Variants in ATAD1 observed in about 807,000 individuals in gnomAD.
The protein encoded by ATAD1 is ATPase family AAA domain containing 1, also known as outer mitochondrial transmembrane helix translocase.
In ATAD1, 18 loss-of-function variants were observed where a neutral mutation model predicts 42.7. The ratio of observed to expected loss-of-function variants is 0.42; its 90% CI spans 0.29 to 0.63. The LOEUF is 0.63. Ranked by LOEUF, ATAD1 falls within the 20% of genes least tolerant of loss-of-function variation. The pLI is 0.19. For missense variants in ATAD1, 294 were observed against 440.4 expected, an observed-to-expected ratio of 0.67 and a Z score of 2.98; for synonymous variants, 132 against 143.1, an observed-to-expected ratio of 0.92 and a Z score of 0.55.
Position 87,784,200 on chromosome 10 carries a change from C to G in ATAD1, c.583+270G>C, listed in dbSNP as rs112922818. Among the ~76,000 whole-genome samples, 265 of 152,160 alleles carry G rather than the reference C, an allele frequency of 1.7e-3. 2 individuals are homozygous for G. Among genetic ancestry groups the G allele is most frequent in the African/African-American group, 5.5e-3 (227 of 41,542 alleles). ...TCAACTTCTAGGTATCTTTCCCGGGCAAACATATATACATGAGAAAACATG... is the reference window on the plus strand; with the variant it reads ...TCAACTTCTAGGTATCTTTCCCGGGGAAACATATATACATGAGAAAACATG... On this transcript the variant is annotated intron_variant, in intron 5 of 9. Coordinates refer to ENST00000680024, the MANE Select transcript of ATAD1 (RefSeq NM_001321967.2).
At chr10:87,769,368 T>C (rs943350648) in intron 7 of ATAD1, among the ~76,000 whole-genome samples, 2 of 152,180 alleles carry the variant, frequency 1.3e-5, no homozygotes, top group Non-Finnish European at 2.9e-5. Context: ...CTTGACTTTG[T>C]TCATTCTGGC....
intron 2 of ATAD1, among the ~76,000 whole-genome samples, chr10:87,807,041 AACTTTTGAGTTACTCATCTCTGGT>A (rs1262876622): frequency 6.6e-6 from 1 of 152,102 alleles, no homozygotes; most frequent in African/African-American, 2.4e-5. Flanking sequence ...GTTCTAACCA[AACTTTTGAGTTACTCATCTCTGGT>A]ACTCCTATTG....
In ATAD1 at chr10:87,771,012, A is replaced by T; in HGVS notation, c.720T>A (p.Pro240=). The T allele has an allele frequency of 6.2e-7, 1 of 1,613,464 alleles. No individual in the cohort carries two copies. Among genetic ancestry groups the T allele is most frequent in the South Asian group, 1.1e-5 (1 of 91,032 alleles). ...TCATTATAGCCGAGTCAAGGTCCTGAGGACGATTGGTAGCTCCCATTACTA... is the reference window on the plus strand; with the variant it reads ...TCATTATAGCCGAGTCAAGGTCCTGTGGACGATTGGTAGCTCCCATTACTA... ...QVIVMGATNR[P]QDLDSAIMRR... Residue 240 remains proline (P), a synonymous_variant, in exon 7 of 10, where the codon CCT becomes CCA. Transcript: ENST00000680024.
intron 2 of ATAD1, among the ~76,000 whole-genome samples, chr10:87,800,694 C>T (rs559319935): frequency 1.3e-5 from 2 of 152,224 alleles, no homozygotes; most frequent in South Asian, 4.1e-4. Flanking sequence ...AGTTACATGG[C>T]TTTGACTTCT....
Position 87,813,653 on chromosome 10 carries a change from A to G in ATAD1, c.162+785T>C, listed in dbSNP as rs145215619. Among the ~76,000 whole-genome samples the G allele has an allele frequency of 1.3e-4, 20 of 152,174 alleles. No homozygotes were observed. The East Asian group carries it at 2.9e-3, about 22-fold the overall frequency. On this transcript the variant is annotated intron_variant, in intron 2 of 9. Transcript: ENST00000680024. ...TTATTCATCTTTTTTCTTTGGTACC[A>G]AGTAGTTGATAGGGACTCAATAAAT...
chr10:87,840,648 C>T (rs1858015511), intron 1 of ATAD1, among the ~76,000 whole-genome samples: 1 of 152,152 alleles, frequency 6.6e-6, no homozygotes, highest in South Asian at 2.1e-4. Context: ...ATTAACTAGG[C>T]CTCATAGCCC....
At chr10:87,815,086 TCATA>T (rs1255003642) in intron 1 of ATAD1, among the ~76,000 whole-genome samples, 4 of 152,206 alleles carry the variant, frequency 2.6e-5, no homozygotes, top group Non-Finnish European at 4.4e-5. Flanking sequence ...CACTTTTTCC[TCATA>T]CATACTTTTA....
chr10:87,803,780 AT>A (rs1260620290), intron 2 of ATAD1, among the ~76,000 whole-genome samples: 1 of 152,232 alleles, frequency 6.6e-6, no homozygotes, highest in Admixed American at 6.5e-5. Flanking sequence ...TGTCTCAGAT[AT>A]TTGCGGTTCG....
chr10:87,805,945 T>G (rs1856902772), intron 2 of ATAD1, among the ~76,000 whole-genome samples: 1 of 152,132 alleles, frequency 6.6e-6, no homozygotes, highest in Non-Finnish European at 1.5e-5. Flanking sequence ...GACCATTCTA[T>G]AACACGTTTA....
upstream of ATAD1, chr10:87,818,327 C>A: frequency 2.2e-6 from 2 of 922,926 alleles, no homozygotes; most frequent in Non-Finnish European, 2.6e-6. Flanking sequence ...TGCTCCCAGG[C>A]TTAGAAACAG....
chr10:87,836,139 T>C (rs1857925329), intron 1 of ATAD1, among the ~76,000 whole-genome samples: 2 of 152,178 alleles, frequency 1.3e-5, no homozygotes, highest in South Asian at 2.1e-4. Flanking sequence ...TGTTTTGTTT[T>C]CTTGGAGTCG....
Position 87,792,639 on chromosome 10 carries a change from A to AAAAT in ATAD1, c.261+17_261+18insATTT. On this transcript the variant is annotated intron_variant, in intron 3 of 9. Coordinates refer to ENST00000680024, the MANE Select transcript of ATAD1 (RefSeq NM_001321967.2). ...CCCCACCTCTAAAAAAATCTTAAAT[A>AAAAT]AGATTAAAGATACATACATGCATAT... 6.4e-7 allele frequency: 1 copy of AAAAT among 1,562,964 alleles called. No individual in the cohort carries two copies. Among genetic ancestry groups the AAAAT allele is most frequent in the Non-Finnish European group, 8.8e-7 (1 of 1,136,762 alleles).
chr10:87,787,607 C>CA (rs1564758833), intron 4 of ATAD1, among the ~76,000 whole-genome samples: 1 of 150,950 alleles, frequency 6.6e-6, no homozygotes, highest in East Asian at 1.9e-4. Flanking sequence ...ACTCTGTCTC[C>CA]AAAAAAAAGG....
intron 2 of ATAD1, among the ~76,000 whole-genome samples, chr10:87,804,580 G>C (rs1856839716): frequency 6.6e-6 from 1 of 152,054 alleles, no homozygotes; most frequent in Non-Finnish European, 1.5e-5. Context: ...ATGTTGACCA[G>C]GCTGGTCTTG....
intron 1 of ATAD1, among the ~76,000 whole-genome samples, chr10:87,829,791 C>G (rs1298117864): frequency 6.6e-6 from 1 of 152,126 alleles, no homozygotes; most frequent in African/African-American, 2.4e-5. Context: ...ACTTGATGAG[C>G]TGCTTCTTAT....
intron 2 of ATAD1, among the ~76,000 whole-genome samples, chr10:87,807,080 C>T (rs1856958624): frequency 1.3e-5 from 2 of 152,156 alleles, no homozygotes; most frequent in South Asian, 4.1e-4. Flanking sequence ...CTATTGGTTG[C>T]ATGCTTGATA....
intron 2 of ATAD1, among the ~76,000 whole-genome samples, chr10:87,793,534 T>C (rs1856230667): frequency 6.6e-6 from 1 of 152,302 alleles, no homozygotes; most frequent in East Asian, 1.9e-4. Flanking sequence ...AACTGAAGTT[T>C]AGCATGATTA....
At chr10:87,778,212 CAG>C (rs1490782814) in intron 5 of ATAD1, among the ~76,000 whole-genome samples, 1 of 140,750 alleles carries the variant, frequency 7.1e-6, no homozygotes, top group Non-Finnish European at 1.5e-5. Flanking sequence ...TCAAGGCAGG[CAG>C]ATCACTCAAG....
chr10:87,815,345 T>C (rs1439493579), intron 1 of ATAD1, among the ~76,000 whole-genome samples: 1 of 151,972 alleles, frequency 6.6e-6, no homozygotes, highest in Admixed American at 6.6e-5. Context: ...CAATCAAAGC[T>C]AGGCTTACAG....
Sources: gnomAD v4.1 joint callset for allele counts (sites outside exome capture counted in the v4.1 genomes callset) on GRCh38, gnomAD v4.1.1 for gene constraint, MANE v1.5 for transcripts, NCBI Gene and HGNC (gene_info 2026-07-23, HGNC 2026-07-21) for gene names.